UNC13D: variants seen among roughly 807,000 people sequenced by gnomAD.
UNC13D encodes the protein protein unc-13 homolog D.
In UNC13D, 115 loss-of-function variants were observed where a neutral mutation model predicts 151.7. That is an observed-to-expected ratio of 0.76 (90% CI 0.65 to 0.88). UNC13D has a LOEUF of 0.88. Ranked by LOEUF, UNC13D falls within the 40% of genes least tolerant of loss-of-function variation. UNC13D has a pLI of 0.00. For missense variants in UNC13D, 1,369 were observed against 1,438.7 expected, an observed-to-expected ratio of 0.95 and a Z score of 0.78; for synonymous variants, 588 against 612.2, an observed-to-expected ratio of 0.96 and a Z score of 0.58.
intron 28 of UNC13D, 21 bp from the exon 29 acceptor site, chr17:75,830,503 A>G: frequency 1.3e-6 from 2 of 1,588,166 alleles, no homozygotes; most frequent in Non-Finnish European, 1.7e-6. Flanking sequence ...GAGCAGGGGC[A>G]GGGTCAGCAG....
Position 75,833,227 on chromosome 17 carries a change from C to T in UNC13D, c.2368-182G>A. ...TTCCCCTCTCCGTTGCTCAGCCTGTCCCAGCCACACTGGCCTCCTCTACAG... is the reference window on the plus strand; with the variant it reads ...TTCCCCTCTCCGTTGCTCAGCCTGTTCCAGCCACACTGGCCTCCTCTACAG... On this transcript the variant is annotated intron_variant, in intron 24 of 31. Coordinates refer to ENST00000207549, the MANE Select transcript of UNC13D (RefSeq NM_199242.3). This position sits in a 1 kb window ranked among gnomAD's most constrained non-coding sequence, Gnocchi z 4.0. The T allele has an allele frequency of 3.4e-6, 2 of 583,954 alleles. No individual in the cohort carries two copies. The highest frequency in any genetic ancestry group is 3.2e-6 in the Non-Finnish European group (1 of 315,734). The allele number at this position is 583,954 out of a possible 1,614,324, so 36.2% of individuals were successfully genotyped here.
At position 75,842,939 on chromosome 17, in the gene UNC13D, G is replaced by A; in HGVS notation, c.322-16C>T. The stretch of plus-strand genomic sequence containing the variant: ...ATATTGGCTTCTGGAGGGACAGGAG[G>A]GATGGCCTGAGTCCCTGAGGGGGCT... On this transcript the variant is annotated splice_polypyrimidine_tract_variant and intron_variant, in intron 4 of 31. Transcript: ENST00000207549. The A allele has an allele frequency of 1.2e-6, 2 of 1,613,272 alleles. No individual in the cohort carries two copies. Among genetic ancestry groups the A allele is most frequent in the East Asian group, 2.2e-5 (1 of 44,868 alleles).
At position 75,832,174 on chromosome 17, in the gene UNC13D, G is replaced by A. The variant is rs921071417; in HGVS notation, c.2447+792C>T. 2.6e-5 allele frequency: 4 copies of A among 152,228 alleles called. No individual in the cohort carries two copies. Among genetic ancestry groups the A allele is most frequent in the African/African-American group, 9.7e-5 (4 of 41,440 alleles). The allele number at this position is 152,228 out of a possible 1,614,324, so 9.4% of individuals were successfully genotyped here. A position where few individuals can be genotyped will look rare whatever the true frequency, so the allele number is the denominator to read the frequency against. On this transcript the variant is annotated intron_variant, in intron 25 of 31. Coordinates refer to ENST00000207549, the MANE Select transcript of UNC13D (RefSeq NM_199242.3). The surrounding 1 kb of genome is among the most constrained non-coding windows in gnomAD (Gnocchi z 4.3). Reference sequence around the variant, plus strand: ...GAAATAAAAACGGCCGGGCTCCGAGGGGCCCTGGCTTATACCTCTGGGGGT... The same window carrying A: ...GAAATAAAAACGGCCGGGCTCCGAGAGGCCCTGGCTTATACCTCTGGGGGT...
chr17:75,842,739 G>C, intron 5 of UNC13D, 118 bp downstream of exon 5: 5 of 1,587,552 alleles, frequency 3.1e-6, no homozygotes, highest in Admixed American at 3.3e-5. Flanking sequence ...CAGCATGGGG[G>C]GCCAGCGCTA....
Position 75,839,852 on chromosome 17 carries a change from G to A in UNC13D, c.1042C>T (p.His348Tyr). ...CTGTGTACTCACGCCATGGACTGGT[G>A]GAAGTCGGATAGGTCCTTCTGTGTG... ...HATQKDLSDF[H>Y]QSMAQWLAYS... The change falls in exon 12 of 32, where the codon CAC becomes TAC. Residue 348 changes from histidine (H) to tyrosine (Y), a missense_variant. His to Tyr is a moderately conservative substitution (Grantham distance 83, BLOSUM62 2). This residue lies in a region of UNC13D where 550 missense variants were observed against 609.0 expected (regional missense o/e 0.90). Coordinates refer to ENST00000207549, the MANE Select transcript of UNC13D (RefSeq NM_199242.3). The A allele has an allele frequency of 6.2e-7, 1 of 1,613,862 alleles. No individual in the cohort carries two copies. The highest frequency in any genetic ancestry group is 1.3e-5 in the African/African-American group (1 of 75,050).
intron 3 of UNC13D, 27 bp from the exon 4 acceptor site, chr17:75,843,100 G>A (rs1329795381): frequency 1.2e-6 from 2 of 1,605,210 alleles, no homozygotes; most frequent in Non-Finnish European, 1.7e-6. Context: ...CGGGTGGGTG[G>A]CTGGGGGCAC....
intron 25 of UNC13D, 66 bp from the exon 26 acceptor site, chr17:75,831,414 C>CG: frequency 6.8e-7 from 1 of 1,471,798 alleles, no homozygotes; most frequent in Non-Finnish European, 9.2e-7. Context: ...GAAGCAAAGA[C>CG]GCTCTTGAGA....
rs1036237712 is a variant in UNC13D, at chr17:75,838,822, T to C, written c.1055+1017A>G. 3.3e-5 allele frequency among the ~76,000 whole-genome samples: 5 copies of C among 151,920 alleles called. No individual in the cohort carries two copies. The South Asian group carries it at 8.4e-4, about 25-fold the overall frequency. On this transcript the variant is annotated intron_variant, in intron 12 of 31. Transcript: ENST00000207549. ...GTCCACTCAAAAAAGCAGCAAAGGCTGGGCGCGGTGGCACGCGCCTATAAT... is the reference window on the plus strand; with the variant it reads ...GTCCACTCAAAAAAGCAGCAAAGGCCGGGCGCGGTGGCACGCGCCTATAAT...
intron 22 of UNC13D, 36 bp from the exon 23 acceptor site, chr17:75,834,567 C>T (rs1366695052): frequency 6.2e-7 from 1 of 1,610,816 alleles, no homozygotes; most frequent in Admixed American, 1.7e-5. Context: ...GAACTGTGCC[C>T]AGGCTGGTCC....
rs758998177 is a variant in UNC13D at position 75,827,988 on chromosome 17, G to A, written c.3250C>T (p.His1084Tyr). 11 of 1,604,558 alleles carry A rather than the reference G, an allele frequency of 6.9e-6. No individual in the cohort carries two copies. The South Asian group carries it at 1.1e-4, about 16-fold the overall frequency. ...GGCTACGGTGCCGGCCGCAAGGCAT[G>A]CTGGGAGGCCTGCTTGGCCCGGTGC... is the stretch of plus-strand genomic sequence containing the variant. ...RRHRAKQASQ[H>Y]ALRPAP is the part of the protein sequence containing the mutation. The change falls in exon 32 of 32, where the codon CAT becomes TAT. Residue 1084 changes from histidine (H) to tyrosine (Y), a missense_variant. Around this residue, in one of 3 missense-constraint regions of UNC13D, gnomAD observed 807 missense variants for 795.5 expected, o/e 1.01. Transcript: ENST00000207549.
rs768608291 is a variant in UNC13D, at chr17:75,828,858, C to G, written c.3080G>C (p.Gly1027Ala). The part of the protein sequence containing the change: ...EAFLPLREVP[G>A]LSGSEEPGEV... The stretch of plus-strand genomic sequence containing the variant: ...ACCAGGCTCCTCAGAGCCACTCAGC[C>G]CGGGCACCTCACGCAGCGGCAGGAA... The change falls in exon 31 of 32, where the codon GGG becomes GCG. Residue 1027 changes from glycine to alanine, a missense_variant. By Grantham distance (60) the Gly-to-Ala change is moderately conservative. Coordinates refer to ENST00000207549, the MANE Select transcript of UNC13D (RefSeq NM_199242.3). The G allele has an allele frequency of 1.3e-6, 2 of 1,594,576 alleles. No homozygotes were observed. Among genetic ancestry groups the G allele is most frequent in the South Asian group, 1.1e-5 (1 of 89,214 alleles).
Position 75,833,981 on chromosome 17 carries a change from TG to T in UNC13D, c.2367+93del. 1 of 1,503,098 alleles carries T rather than the reference TG, an allele frequency of 6.7e-7. No individual in the cohort carries two copies. The highest frequency in any genetic ancestry group is 9.2e-7 in the Non-Finnish European group (1 of 1,084,314). 93.1% of individuals were successfully genotyped at this position (1,503,098 alleles called of 1,614,324 possible). On this transcript the variant is annotated intron_variant, in intron 24 of 31. Coordinates refer to ENST00000207549, the MANE Select transcript of UNC13D (RefSeq NM_199242.3). This position sits in a 1 kb window ranked among gnomAD's most constrained non-coding sequence, Gnocchi z 4.0. ...GGGAGAGAACATGCTTTGCCTGGTCTGGGGGACTTATCTTTGACACCAAGGC... is the reference window on the plus strand; with the variant it reads ...GGGAGAGAACATGCTTTGCCTGGTCTGGGGACTTATCTTTGACACCAAGGC...
chr17:75,836,925 G>C lies in UNC13D; in HGVS notation c.1056-7C>G. On this transcript the variant is annotated splice_polypyrimidine_tract_variant and splice_region_variant and intron_variant, in intron 12 of 31. Transcript: ENST00000207549. Reference sequence around the variant, plus strand: ...GCTGTAGGCCAGCCACTGCCTGCAGGGGACAGGAAGCCCTCAGCTGGACAG... The same window carrying C: ...GCTGTAGGCCAGCCACTGCCTGCAGCGGACAGGAAGCCCTCAGCTGGACAG... 1 of 1,612,164 alleles carries C rather than the reference G, an allele frequency of 6.2e-7. No homozygotes were observed. The highest frequency in any genetic ancestry group is 8.5e-7 in the Non-Finnish European group (1 of 1,179,928).
chr17:75,843,981 G>T (rs1210806116), intron 1 of UNC13D: 1 of 1,411,702 alleles, frequency 7.1e-7, no homozygotes, highest in East Asian at 2.6e-5. Flanking sequence ...CAGGCCAACC[G>T]GGAGGGAGGG....
At position 75,836,635 on chromosome 17, in the gene UNC13D, C is replaced by A. The variant is rs145102181; in HGVS notation, c.1235G>T (p.Arg412Met). The A allele has an allele frequency of 1.2e-6, 2 of 1,613,734 alleles. No individual in the cohort carries two copies. Among genetic ancestry groups the A allele is most frequent in the African/African-American group, 1.3e-5 (1 of 74,942 alleles). ...LLTYGLSLIR[R>M]FRSVFPLSVS... ...AGAGAGGGGGAAGACAGAGCGGAAC[C>A]TCCGGATGAGGGAGAGGCCGTAGGT... Residue 412 changes from arginine (R) to methionine (M), a missense_variant, in exon 14 of 32, where the codon AGG (arginine) becomes ATG (methionine). Transcript: ENST00000207549.
rs1172482015 is a variant in UNC13D, at chr17:75,835,068, G to A, written c.1849-5C>T. The stretch of plus-strand genomic sequence containing the variant: ...CAGTTCACCCAGGGGCACCAGCTGG[G>A]GGAAGAAAGGAGGACTCAGGATACT... On this transcript the variant is annotated splice_region_variant and splice_polypyrimidine_tract_variant and intron_variant, in intron 20 of 31. Coordinates refer to ENST00000207549, the MANE Select transcript of UNC13D (RefSeq NM_199242.3). The A allele has an allele frequency of 1.2e-6, 2 of 1,613,678 alleles. No homozygotes were observed. Among genetic ancestry groups the A allele is most frequent in the Non-Finnish European group, 1.7e-6 (2 of 1,179,998 alleles).
At chr17:75,843,397 A>G in intron 2 of UNC13D, 87 bp downstream of exon 2, 1 of 1,569,768 alleles carries the variant, frequency 6.4e-7, no homozygotes, top group Non-Finnish European at 8.6e-7. Flanking sequence ...CCCCACCGCA[A>G]GTTGCTTGCT....
At chr17:75,842,182 G>C (rs2064953981) in intron 6 of UNC13D, among the ~76,000 whole-genome samples, 2 of 152,172 alleles carry the variant, frequency 1.3e-5, no homozygotes, top group Non-Finnish European at 2.9e-5. Flanking sequence ...TACAGCTTCA[G>C]GCACCCCCAG....
At chr17:75,836,316 C>G (rs763523084) in intron 15 of UNC13D, 23 bp downstream of exon 15, 1 of 1,613,568 alleles carries the variant, frequency 6.2e-7, no homozygotes, top group Non-Finnish European at 8.5e-7. Flanking sequence ...TGGTCTCCCC[C>G]ATCCCCAGCG....
Sources: gnomAD v4.1 joint callset for allele counts (sites outside exome capture counted in the v4.1 genomes callset) on GRCh38, gnomAD v4.1.1 for gene constraint, gnomAD v4.1.1 regional missense constraint, Gnocchi (gnomAD v3.1) non-coding constraint, MANE v1.5 for transcripts, NCBI Gene and HGNC (gene_info 2026-07-23, HGNC 2026-07-21) for gene names.